GATA4: variants seen among roughly 807,000 people sequenced by gnomAD.
GATA4 encodes GATA binding protein 4, also known as transcription factor GATA-4.
In GATA4, 7 loss-of-function variants were observed where a neutral mutation model predicts 37.9. That is an observed-to-expected ratio of 0.18 (90% confidence interval 0.11 to 0.35). The LOEUF (loss-of-function observed/expected upper bound fraction) is 0.35, where lower values mean the gene tolerates loss of function less well. Ranked by LOEUF, GATA4 falls within the 10% of genes least tolerant of loss-of-function variation. The pLI, the probability that GATA4 is intolerant of heterozygous loss-of-function variation, is 1.00. For synonymous variants in GATA4, 372 were observed against 292.6 expected (o/e 1.27, Z -2.77); for missense variants, 647 against 653.0 (o/e 0.99, Z 0.10).
chr8:11,718,384 A>C (rs1306227813), intron 2 of GATA4, among the ~76,000 whole-genome samples: 1 of 152,240 alleles, frequency 6.6e-6, no homozygotes, highest in African/African-American at 2.4e-5. Flanking sequence ...AATTGACCTG[A>C]TGTTTTAAAA....
At chr8:11,714,206 G>A (rs1254743531) in intron 2 of GATA4, among the ~76,000 whole-genome samples, 2 of 152,112 alleles carry the variant, frequency 1.3e-5, no homozygotes, top group Non-Finnish European at 2.9e-5. Flanking sequence ...TATTCTCCAA[G>A]GATTTCAAAA....
At chr8:11,703,431 A>G (rs886430969), upstream of GATA4, among the ~76,000 whole-genome samples, 4 of 151,584 alleles carry the variant, frequency 2.6e-5, no homozygotes, top group African/African-American at 7.3e-5. Flanking sequence ...AGCCCCCTCC[A>G]TGAAGAAGCT....
chr8:11,743,095 C>T (rs1245773723), intron 2 of GATA4, among the ~76,000 whole-genome samples: 3 of 152,260 alleles, frequency 2.0e-5, no homozygotes, highest in South Asian at 4.1e-4. Context: ...TGACGTGTCT[C>T]TCCCTGAACG....
intron 4 of GATA4, among the ~76,000 whole-genome samples, chr8:11,753,536 G>C (rs2130329964): frequency 6.6e-6 from 1 of 150,892 alleles, no homozygotes; most frequent in Non-Finnish European, 1.5e-5. Context: ...AGATTAACGT[G>C]AGGGGGAGAT....
In GATA4 at chr8:11,749,878, G is replaced by A. The variant is rs564287108; in HGVS notation, c.787-233G>A. On this transcript the variant is annotated intron_variant, in intron 3 of 6. Coordinates refer to ENST00000532059, the MANE Select transcript of GATA4 (RefSeq NM_001308093.3). The surrounding 1 kb of genome is among the most constrained non-coding windows in gnomAD (Gnocchi z 4.6). ...TGGTTAGGACTGGAAACCAGGTCTCGATGCCCACGTTCGCTCTCCTCGGGC... is the reference window on the plus strand; with the variant it reads ...TGGTTAGGACTGGAAACCAGGTCTCAATGCCCACGTTCGCTCTCCTCGGGC... 6.6e-6 allele frequency among the ~76,000 whole-genome samples: 1 copy of A among 152,316 alleles called. No homozygotes were observed. The highest frequency in any genetic ancestry group is 2.1e-4 in the South Asian group (1 of 4,816).
At chr8:11,695,777 T>G (rs1053703477) in intron 1 of GATA4, among the ~76,000 whole-genome samples, 2 of 152,164 alleles carry the variant, frequency 1.3e-5, no homozygotes, top group African/African-American at 4.8e-5. Flanking sequence ...TCACCCTTCC[T>G]GCAGCCTGCC....
In GATA4 at chr8:11,708,764, G is replaced by T; in HGVS notation, c.452G>T (p.Arg151Leu). 1 of 1,422,104 alleles carries T rather than the reference G, an allele frequency of 7.0e-7. No individual in the cohort carries two copies. Among genetic ancestry groups the T allele is most frequent in the Non-Finnish European group, 9.2e-7 (1 of 1,092,700 alleles). 88.1% of individuals were successfully genotyped at this position (1,422,104 alleles called of 1,614,324 possible). A position where few individuals can be genotyped will look rare whatever the true frequency, so the allele number is the denominator to read the frequency against. ...AGLAGREQYGRAGFAGSYSSP... is the reference protein window; with the variant it reads ...AGLAGREQYGLAGFAGSYSSP... ...CTGGCGGGCCGCGAGCAGTACGGGC[G>T]CGCCGGCTTCGCGGGCTCCTACTCC... Residue 151 changes from arginine (R) to leucine (L), a missense_variant, in exon 2 of 7, where the codon CGC (arginine) becomes CTC (leucine). Around this residue, in one of 5 missense-constraint regions of GATA4, gnomAD observed 379 missense variants for 334.5 expected, o/e 1.13. Coordinates refer to ENST00000532059, the MANE Select transcript of GATA4 (RefSeq NM_001308093.3). The surrounding 1 kb of genome is among the most constrained non-coding windows in gnomAD (Gnocchi z 6.7).
At chr8:11,706,810 T>G (rs1290568433) in intron 1 of GATA4, among the ~76,000 whole-genome samples, 1 of 152,154 alleles carries the variant, frequency 6.6e-6, no homozygotes, top group Non-Finnish European at 1.5e-5. Context: ...TTCAAAACTT[T>G]CCAGTGCTCC....
intron 2 of GATA4, among the ~76,000 whole-genome samples, chr8:11,713,871 C>T (rs1236761212): frequency 4.6e-5 from 7 of 152,108 alleles, no homozygotes; most frequent in Admixed American, 6.5e-5. Context: ...GCCTGTGAAA[C>T]GGACGTAGCC....
At chr8:11,694,554 G>A (rs1029554268) in intron 1 of GATA4, 62 of 978,892 alleles carry the variant, frequency 6.3e-5, no homozygotes, top group Middle Eastern at 5.2e-4. Context: ...GCTCTCCCAG[G>A]GTGAGGGACA....
intron 6 of GATA4, among the ~76,000 whole-genome samples, chr8:11,757,964 T>G (rs2130353345): frequency 6.6e-6 from 1 of 152,216 alleles, no homozygotes; most frequent in South Asian, 2.1e-4. Context: ...GATGGCTTCT[T>G]TGTTGGAAAG....
rs1340546991 is a variant in GATA4 at position 11,693,572 on chromosome 8, G to C, written c.-729+912G>C. 1.7e-3 allele frequency among the ~76,000 whole-genome samples: 256 copies of C among 149,688 alleles called. 1 individual carries two copies. Among genetic ancestry groups the C allele is most frequent in the African/African-American group, 5.7e-3 (228 of 40,342 alleles). On this transcript the variant is annotated intron_variant, in intron 1 of 2. Coordinates refer to the GATA4 transcript ENST00000526974. ...ACACACACACACACACAGAGAGAGA[G>C]AGAGAGAGAGAGAGAGAGAGAGACA...
Position 11,759,521 on chromosome 8 carries a change from C to T in GATA4, c.*1046C>T, listed in dbSNP as rs1802785955. The T allele has an allele frequency of 1.3e-5, 2 of 152,272 alleles. No homozygotes were observed. Among genetic ancestry groups the T allele is most frequent in the South Asian group, 4.1e-4 (2 of 4,826 alleles). The allele number at this position is 152,272 out of a possible 1,614,324, so 9.4% of individuals were successfully genotyped here. A position where few individuals can be genotyped will look rare whatever the true frequency, so the allele number is the denominator to read the frequency against. On this transcript the variant is annotated 3_prime_UTR_variant, in exon 7 of 7. Transcript: ENST00000532059. ...CTCAGGACCTGCAGCCTCGCCCCGG[C>T]AGAAGTCTTTTGTCCAGGAGGCAAA...
chr8:11,757,205 C>A (rs965484808), intron 6 of GATA4, 122 bp downstream of exon 6: 20 of 1,422,656 alleles, frequency 1.4e-5, no homozygotes, highest in Admixed American at 2.1e-5. Context: ...CAGTGAGCTA[C>A]CCTCTGCGCT....
rs1477073940 is a variant in GATA4, at chr8:11,708,988, C to A, written c.616+60C>A. On this transcript the variant is annotated intron_variant, in intron 2 of 6. Transcript: ENST00000532059. This position sits in a 1 kb window ranked among gnomAD's most constrained non-coding sequence, Gnocchi z 6.7. ...GCCGGGGCAGGGGCCGTCTTGAGCC[C>A]TGTCGAGGGCCTCTTGTTTTTCCAC... 1.4e-6 allele frequency: 2 copies of A among 1,469,004 alleles called. No homozygotes were observed. 91.0% of individuals were successfully genotyped at this position (1,469,004 alleles called of 1,614,324 possible).
chr8:11,687,546 A>T (rs1341639448), intron 1 of GATA4, among the ~76,000 whole-genome samples: 4 of 152,176 alleles, frequency 2.6e-5, no homozygotes, highest in African/African-American at 9.7e-5. Context: ...CACATACATC[A>T]CATTTGAACC....
intron 2 of GATA4, among the ~76,000 whole-genome samples, chr8:11,719,512 G>T (rs1421962045): frequency 6.6e-6 from 1 of 151,932 alleles, no homozygotes; most frequent in African/African-American, 2.4e-5. Context: ...TAGTATAAGG[G>T]AAACTTCTTT....
At chr8:11,733,537 T>A (rs1422528109) in intron 2 of GATA4, among the ~76,000 whole-genome samples, 1 of 152,210 alleles carries the variant, frequency 6.6e-6, no homozygotes, top group East Asian at 1.9e-4. Context: ...AAGATTGGCA[T>A]TAGCATTGAA....
At position 11,681,308 on chromosome 8, in the gene GATA4, C is replaced by G. The variant is rs186649152; in HGVS notation, c.-274+4245C>G. 15 of 985,394 alleles carry G rather than the reference C, an allele frequency of 1.5e-5. No homozygotes were observed. In the East Asian group the frequency reaches 1.5e-3, roughly 97 times the overall value. The allele number at this position is 985,394 out of a possible 1,614,324, so 61.0% of individuals were successfully genotyped here. A position where few individuals can be genotyped will look rare whatever the true frequency, so the allele number is the denominator to read the frequency against. On this transcript the variant is annotated intron_variant, in intron 1 of 6. Coordinates refer to the GATA4 transcript ENST00000528712. ...CTGAGGTTCCGGGGAAGAGCACTGT[C>G]TTCACCACTTCTCGACCTGCGCCCC...
Sources: gnomAD v4.1 joint callset for allele counts (sites outside exome capture counted in the v4.1 genomes callset) on GRCh38, gnomAD v4.1.1 for gene constraint, gnomAD v4.1.1 regional missense constraint, Gnocchi (gnomAD v3.1) non-coding constraint, MANE v1.5 for transcripts, NCBI Gene and HGNC (gene_info 2026-07-23, HGNC 2026-07-21) for gene names.